DOCK2: variants seen among roughly 807,000 people sequenced by gnomAD.
The protein encoded by DOCK2 is dedicator of cytokinesis 2.
In DOCK2, 87 loss-of-function variants were observed where a neutral mutation model predicts 248.9. That is an observed-to-expected ratio of 0.35 (90% CI 0.29 to 0.42). The LOEUF is 0.42. Among genes scored for constraint, DOCK2 ranks in the 10% least tolerant of loss-of-function variants. The pLI is 1.00. For synonymous variants in DOCK2, 805 were observed against 821.6 expected (o/e 0.98, Z 0.35); for missense variants, 1,747 against 2,300.2 (o/e 0.76, Z 4.92).
At chr5:170,077,871 C>T (rs757629101) in intron 48 of DOCK2, 34 bp downstream of exon 48, 47 of 1,597,208 alleles carry the variant, frequency 2.9e-5, no homozygotes, top group Non-Finnish European at 3.8e-5. Flanking sequence ...CCCCCCACAC[C>T]CCTGCCTCCC....
intron 27 of DOCK2, chr5:169,883,508 C>T (rs1398356679): frequency 1.9e-6 from 3 of 1,551,592 alleles, no homozygotes; most frequent in Admixed American, 3.9e-5. Flanking sequence ...ACCTGGATGG[C>T]ACTTTGGGAG....
chr5:170,032,605 G>A (rs537560664), intron 34 of DOCK2, among the ~76,000 whole-genome samples: 1 of 152,284 alleles, frequency 6.6e-6, no homozygotes, highest in East Asian at 1.9e-4. Flanking sequence ...CATTAGGGTG[G>A]CACACAGGGC....
chr5:169,842,901 T>C (rs1285924049), intron 27 of DOCK2, among the ~76,000 whole-genome samples: 2 of 152,186 alleles, frequency 1.3e-5, no homozygotes, highest in Non-Finnish European at 2.9e-5. Context: ...TGGCTGGCTC[T>C]TCTAACACAC....
chr5:169,648,833 C>T (rs1215649950), intron 1 of DOCK2, among the ~76,000 whole-genome samples: 2 of 152,212 alleles, frequency 1.3e-5, no homozygotes, highest in African/African-American at 2.4e-5. Flanking sequence ...CTTCTGCTCT[C>T]TGCTCTCTCC....
intron 27 of DOCK2, among the ~76,000 whole-genome samples, chr5:169,962,475 T>C (rs560112621): frequency 6.6e-6 from 1 of 152,268 alleles, no homozygotes; most frequent in East Asian, 1.9e-4. Context: ...GGTGTGAAGA[T>C]GAAGAATTCC....
intron 14 of DOCK2, among the ~76,000 whole-genome samples, chr5:169,706,861 C>T (rs1002707422): frequency 6.6e-6 from 1 of 152,176 alleles, no homozygotes; most frequent in African/African-American, 2.4e-5. Flanking sequence ...GTGTGAAGGG[C>T]GAGTCTTCCT....
At chr5:170,005,077 A>G (rs1754976823) in intron 30 of DOCK2, among the ~76,000 whole-genome samples, 1 of 152,168 alleles carries the variant, frequency 6.6e-6, no homozygotes, top group Non-Finnish European at 1.5e-5. Flanking sequence ...TAAAAAAAAA[A>G]AAAAATGAAG....
chr5:170,042,277 A>C, intron 38 of DOCK2, 145 bp downstream of exon 38: 3 of 1,067,142 alleles, frequency 2.8e-6, no homozygotes, highest in Non-Finnish European at 3.9e-6. Context: ...CTTCCTCTCC[A>C]TCTCCATTCC....
chr5:169,644,243 G>T (rs1428652102), intron 1 of DOCK2, among the ~76,000 whole-genome samples: 6 of 152,146 alleles, frequency 3.9e-5, no homozygotes, highest in Non-Finnish European at 7.4e-5. Flanking sequence ...AGTTTTAAGA[G>T]GATTGAACAT....
At chr5:169,889,086 C>A (rs148254404) in intron 27 of DOCK2, among the ~76,000 whole-genome samples, 1 of 152,266 alleles carries the variant, frequency 6.6e-6, no homozygotes, top group East Asian at 1.9e-4. Flanking sequence ...TACCCCTCCG[C>A]TTGACACAGA....
intron 36 of DOCK2, 103 bp from the exon 37 acceptor site, chr5:170,040,952 A>G (rs1756493608): frequency 5.9e-6 from 6 of 1,010,930 alleles, no homozygotes; most frequent in Non-Finnish European, 9.3e-6. Context: ...CTTTCTTGCG[A>G]CCCAGAGAGG....
At chr5:169,915,557 AACACAC>A (rs56728646) in intron 27 of DOCK2, among the ~76,000 whole-genome samples, 55,094 of 143,272 alleles carry the variant, frequency 0.38, 10,211 homozygotes, top group South Asian at 0.44. Flanking sequence ...ATTGACAGGG[AACACAC>A]ACACACACAC....
At chr5:169,862,151 A>C (rs1446923883) in intron 27 of DOCK2, among the ~76,000 whole-genome samples, 1 of 152,202 alleles carries the variant, frequency 6.6e-6, no homozygotes, top group Non-Finnish European at 1.5e-5. Context: ...CACTCAGCTC[A>C]CATAATGTGG....
chr5:169,850,439 T>A (rs532088464), intron 27 of DOCK2, among the ~76,000 whole-genome samples: 1 of 152,208 alleles, frequency 6.6e-6, no homozygotes, highest in East Asian at 1.9e-4. Flanking sequence ...TTCCTGAAAG[T>A]GTATGTGCAA....
At chr5:169,981,692 G>A (rs1256775072) in intron 27 of DOCK2, among the ~76,000 whole-genome samples, 2 of 152,086 alleles carry the variant, frequency 1.3e-5, no homozygotes, top group Non-Finnish European at 2.9e-5. Flanking sequence ...TCAGTCAGCA[G>A]CCATCAGCAT....
intron 32 of DOCK2, among the ~76,000 whole-genome samples, chr5:170,015,706 G>A (rs1452943870): frequency 6.6e-6 from 1 of 152,078 alleles, no homozygotes; most frequent in Non-Finnish European, 1.5e-5. Flanking sequence ...AGCCTTTGGA[G>A]AGACCTTTCT....
intron 27 of DOCK2, among the ~76,000 whole-genome samples, chr5:169,972,942 T>C (rs1777577147): frequency 6.6e-6 from 1 of 152,116 alleles, no homozygotes; most frequent in Admixed American, 6.5e-5. Context: ...TCCTAGTACC[T>C]GAGTGTGCTG....
At chr5:169,665,030 A>C (rs1243920901) in intron 2 of DOCK2, among the ~76,000 whole-genome samples, 5 of 130,942 alleles carry the variant, frequency 3.8e-5, no homozygotes, top group Non-Finnish European at 6.4e-5. Context: ...GTTTATATAT[A>C]AGTATCAGCA....
chr5:169,714,980 C>T (rs1254090883), intron 19 of DOCK2, among the ~76,000 whole-genome samples: 2 of 151,556 alleles, frequency 1.3e-5, no homozygotes, highest in Non-Finnish European at 2.9e-5. Flanking sequence ...TGTATATATA[C>T]ATATATATAT....
Sources: allele counts gnomAD v4.1 joint callset (sites outside exome capture counted in the v4.1 genomes callset), GRCh38; gene constraint gnomAD v4.1.1; transcripts MANE v1.5; gene names NCBI Gene and HGNC (gene_info 2026-07-23, HGNC 2026-07-21).